Variants in GSR observed in about 807,000 individuals in gnomAD.
The protein encoded by GSR is glutathione reductase, mitochondrial.
GSR carries 48 observed loss-of-function variants against 56.5 expected under a neutral mutation model. The observed-to-expected ratio is 0.85, with a 90% CI of 0.67 to 1.08. The LOEUF (loss-of-function observed/expected upper bound fraction) is 1.08. Among genes scored for constraint, GSR ranks in the 50% least tolerant of loss-of-function variants. GSR has a pLI of 0.00. For synonymous variants in GSR, 264 were observed against 270.8 expected (o/e 0.97, Z 0.25); for missense variants, 694 against 703.3 (o/e 0.99, Z 0.15).
intron 4 of GSR, among the ~76,000 whole-genome samples, chr8:30,705,250 A>G (rs2128744837): frequency 8.0e-6 from 1 of 124,412 alleles, no homozygotes; most frequent in Non-Finnish European, 1.7e-5. Context: ...ACATAGCAAG[A>G]CCTCATCTCT....
At chr8:30,714,881 A>G (rs1804275348) in intron 1 of GSR, among the ~76,000 whole-genome samples, 1 of 152,164 alleles carries the variant, frequency 6.6e-6, no homozygotes, top group East Asian at 1.9e-4. Context: ...CAAAATCCAC[A>G]GGAGAATCTT....
intron 1 of GSR, among the ~76,000 whole-genome samples, chr8:30,712,594 A>G (rs1804192027): frequency 6.6e-6 from 1 of 152,122 alleles, no homozygotes; most frequent in South Asian, 2.1e-4. Flanking sequence ...GGACCCTTTG[A>G]GCCTGGAAAG....
chr8:30,694,406 T>A (rs921075289), intron 7 of GSR, among the ~76,000 whole-genome samples: 2 of 152,196 alleles, frequency 1.3e-5, no homozygotes, highest in African/African-American at 4.8e-5. Flanking sequence ...ACCTCCTGGA[T>A]TCAAGTGATT....
intron 4 of GSR, among the ~76,000 whole-genome samples, chr8:30,706,322 A>T (rs2128745072): frequency 6.6e-6 from 1 of 152,136 alleles, no homozygotes; most frequent in Non-Finnish European, 1.5e-5. Flanking sequence ...CAACATGGTG[A>T]AACCCTATCT....
At chr8:30,721,997 C>T (rs1196818796) in intron 1 of GSR, among the ~76,000 whole-genome samples, 1 of 149,752 alleles carries the variant, frequency 6.7e-6, no homozygotes, top group Admixed American at 6.7e-5. Flanking sequence ...GCCTGGGTGA[C>T]AGCCAGACTC....
chr8:30,680,985 G>A lies in GSR; in HGVS notation c.1338C>T (p.Ser446=). ...TAACTGCGTGATACATCGGGGTAAA[G>A]CTCGTTGAATAGGTCTTCACATTTT... ...GIENVKTYST[S]FTPMYHAVTK... The change falls in exon 12 of 13, where the codon AGC becomes AGT. Residue 446 remains serine (S), a synonymous_variant. Coordinates refer to ENST00000221130, the MANE Select transcript of GSR (RefSeq NM_000637.5). 1 of 1,609,972 alleles carries A rather than the reference G, an allele frequency of 6.2e-7. No individual in the cohort carries two copies. The highest frequency in any genetic ancestry group is 8.5e-7 in the Non-Finnish European group (1 of 1,176,436).
intron 3 of GSR, among the ~76,000 whole-genome samples, 182 bp downstream of exon 3, chr8:30,709,632 G>A (rs28503477): frequency 0.014 from 2,089 of 152,234 alleles, 43 homozygotes; most frequent in African/African-American, 0.048. Flanking sequence ...GGTGACGACT[G>A]TATAACAATG....
rs1803269312 is a variant in GSR at position 30,689,099 on chromosome 8, A to G, written c.1041+62T>C. 9 of 1,505,608 alleles carry G rather than the reference A, an allele frequency of 6.0e-6. No individual in the cohort carries two copies. The Admixed American group carries it at 1.0e-4, about 17-fold the overall frequency. 93.3% of individuals were successfully genotyped at this position (1,505,608 alleles called of 1,614,324 possible). A position where few individuals can be genotyped will look rare whatever the true frequency, so the allele number is the denominator to read the frequency against. ...CCCAAGTTTTGGGTGTCTGGGGGGA[A>G]AATAAAACCATAAGACTCCTAGTAG... On this transcript the variant is annotated intron_variant, in intron 9 of 12. Transcript: ENST00000221130.
chr8:30,700,269 T>G (rs2128743445), intron 5 of GSR, 134 bp from the exon 6 acceptor site: 1 of 734,552 alleles, frequency 1.4e-6, no homozygotes. Context: ...TGTTAAAGTC[T>G]CTGCTTGGAA....
chr8:30,683,150 C>G (rs141123349), intron 10 of GSR, among the ~76,000 whole-genome samples: 8 of 152,074 alleles, frequency 5.3e-5, no homozygotes, highest in Non-Finnish European at 1.2e-4. Context: ...TTAATACAGA[C>G]AACATCTCAC....
At chr8:30,685,268 A>T (rs1374660917) in intron 9 of GSR, among the ~76,000 whole-genome samples, 1 of 151,890 alleles carries the variant, frequency 6.6e-6, no homozygotes, top group African/African-American at 2.4e-5. Flanking sequence ...CCTTTTTAAC[A>T]TTTTTTTATA....
chr8:30,696,357 G>A (rs1453219820), intron 7 of GSR, 23 bp downstream of exon 7: 9 of 1,430,228 alleles, frequency 6.3e-6, no homozygotes, highest in South Asian at 2.3e-5. Flanking sequence ...CAAGAAAAGC[G>A]AAAAGAAAAA....
intron 3 of GSR, 86 bp downstream of exon 3, chr8:30,709,728 C>T (rs562426643): frequency 7.7e-6 from 6 of 774,884 alleles, no homozygotes; most frequent in Non-Finnish European, 1.4e-5. Context: ...GCAATTCCTC[C>T]TCCATCCCTA....
At chr8:30,693,366 C>T (rs369572908) in intron 7 of GSR, among the ~76,000 whole-genome samples, 26 of 152,248 alleles carry the variant, frequency 1.7e-4, no homozygotes, top group African/African-American at 5.5e-4. Flanking sequence ...TTCCACTTTT[C>T]GTATCTCAAG....
chr8:30,710,714 C>CAA lies in GSR; in HGVS notation c.334-814_334-813dup, dbSNP rs60532553. ...CCTGGGCAAGAGTGAGACTCTGTCT[C>CAA]AAAAAAAAAAAAAAAAAAAAAAAAA... On this transcript the variant is annotated intron_variant, in intron 2 of 12. Transcript: ENST00000221130. 3.9e-4 allele frequency among the ~76,000 whole-genome samples: 20 copies of CAA among 51,002 alleles called. 1 individual carries two copies. The highest frequency in any genetic ancestry group is 1.1e-3 in the African/African-American group (17 of 15,188). 33.5% of individuals were successfully genotyped at this position (51,002 alleles called of 152,430 possible). A position where few individuals can be genotyped will look rare whatever the true frequency, so the allele number is the denominator to read the frequency against.
At chr8:30,697,593 A>G (rs1209944824) in intron 6 of GSR, among the ~76,000 whole-genome samples, 1 of 152,196 alleles carries the variant, frequency 6.6e-6, no homozygotes, top group Non-Finnish European at 1.5e-5. Context: ...ATACCACTGC[A>G]GTCCAGCCTG....
chr8:30,698,164 G>T (rs978372152), intron 6 of GSR, among the ~76,000 whole-genome samples: 1 of 152,096 alleles, frequency 6.6e-6, no homozygotes, highest in Non-Finnish European at 1.5e-5. Flanking sequence ...TTATGTACTT[G>T]CCCAGTTATT....
chr8:30,722,013 C>CAA (rs77867964), intron 1 of GSR, among the ~76,000 whole-genome samples: 11 of 122,616 alleles, frequency 9.0e-5, no homozygotes, highest in African/African-American at 2.2e-4. Context: ...GACTCTGTCT[C>CAA]AAAAAAAAAA....
At chr8:30,704,268 T>C (rs1335621359) in intron 4 of GSR, among the ~76,000 whole-genome samples, 1 of 152,036 alleles carries the variant, frequency 6.6e-6, no homozygotes, top group Non-Finnish European at 1.5e-5. Context: ...GAGGTTGCAG[T>C]GAGCCGAGAT....
Sources: allele counts gnomAD v4.1 joint callset (sites outside exome capture counted in the v4.1 genomes callset), GRCh38; gene constraint gnomAD v4.1.1; transcripts MANE v1.5; gene names NCBI Gene and HGNC (gene_info 2026-07-23, HGNC 2026-07-21).